The following HPSE variants were observed in gnomAD, a reference collection of about 807,000 sequenced individuals.
The protein encoded by HPSE is endo-glucoronidase.
Under a neutral mutation model 65.1 loss-of-function variants are expected in HPSE, and 48 were observed. That is an observed-to-expected ratio of 0.74 (90% CI 0.58 to 0.94). The LOEUF is 0.94. HPSE is among the 40% of genes least tolerant of loss of function. HPSE has a pLI of 0.00. For missense variants in HPSE, 644 were observed against 637.5 expected, an observed-to-expected ratio of 1.01 and a Z score of -0.11; for synonymous variants, 243 against 260.0, an observed-to-expected ratio of 0.93 and a Z score of 0.63.
intron 2 of HPSE, among the ~76,000 whole-genome samples, chr4:83,320,601 A>G (rs28534475): frequency 0.2 from 30,205 of 151,838 alleles, 3,282 homozygotes; most frequent in Non-Finnish European, 0.24. Flanking sequence ...AATCCACACC[A>G]TCCTGTCAGG....
rs990030711 is a variant in HPSE, at chr4:83,322,251, T to A, written c.341A>T (p.Glu114Val). ...GACTTGAGATTGCCAGTAACTTCTC[T>A]CTTCAAAGGTTGATTCCTTCTTGGG... ...FDPKKESTFE[E>V]RSYWQSQVNQ... Residue 114 changes from glutamate (E) to valine (V), a missense_variant, in exon 2 of 12, where the codon GAG becomes GTG. Transcript: ENST00000311412. 11 of 1,613,864 alleles carry A rather than the reference T, an allele frequency of 6.8e-6. No homozygotes were observed. Among genetic ancestry groups the A allele is most frequent in the Non-Finnish European group, 8.5e-6 (10 of 1,179,856 alleles).
At chr4:83,309,992 C>G (rs765902161) in intron 6 of HPSE, 39 bp downstream of exon 6, 33 of 1,445,028 alleles carry the variant, frequency 2.3e-5, no homozygotes, top group Non-Finnish European at 4.8e-6. Flanking sequence ...ATAAAGCTAG[C>G]CTTACTTTCC....
chr4:83,320,391 C>G (rs932007478), intron 2 of HPSE, among the ~76,000 whole-genome samples: 8 of 151,924 alleles, frequency 5.3e-5, no homozygotes, highest in Non-Finnish European at 1.2e-4. Context: ...ATAGTAAAAC[C>G]CTGCCTCTAC....
chr4:83,301,166 C>A (rs1206336206), intron 10 of HPSE, 60 bp from the exon 11 acceptor site: 1 of 1,111,016 alleles, frequency 9.0e-7, no homozygotes, highest in African/African-American at 1.6e-5. Context: ...ATTAAAAACT[C>A]AATTACAAAT....
intron 3 of HPSE, among the ~76,000 whole-genome samples, chr4:83,318,977 C>T (rs974153711): frequency 1.3e-5 from 2 of 152,020 alleles, no homozygotes; most frequent in Admixed American, 6.6e-5. Context: ...GGGAGGGGGA[C>T]GGACCTCAAG....
intron 1 of HPSE, 44 bp downstream of exon 1, chr4:83,334,512 C>T (rs776318668): frequency 6.5e-7 from 1 of 1,531,116 alleles, no homozygotes; most frequent in Non-Finnish European, 8.8e-7. Flanking sequence ...ACATAGGTGT[C>T]AGGAGGACAG....
At chr4:83,309,023 T>C (rs1736264638) in intron 7 of HPSE, 72 bp from the exon 8 acceptor site, 1 of 1,179,652 alleles carries the variant, frequency 8.5e-7, no homozygotes, top group African/African-American at 1.5e-5. Context: ...GTGTTGAAGA[T>C]TAACAGCATT....
chr4:83,309,125 ATAG>A (rs990126195), intron 7 of HPSE, among the ~76,000 whole-genome samples, 174 bp from the exon 8 acceptor site: 3 of 152,236 alleles, frequency 2.0e-5, no homozygotes, highest in African/African-American at 7.2e-5. Context: ...TTTTATTGAA[ATAG>A]TAGGCTGTGG....
chr4:83,319,483 A>G lies in HPSE; in HGVS notation c.374-14T>C. On this transcript the variant is annotated splice_polypyrimidine_tract_variant and intron_variant, in intron 2 of 11. Coordinates refer to ENST00000311412, the MANE Select transcript of HPSE (RefSeq NM_001098540.3). ...ATTTGCAAATATCTGCAAGTGGAAG[A>G]GATCATTTAGAAGGTCTGTTTTCAC... The G allele has an allele frequency of 1.2e-6, 2 of 1,612,280 alleles. No homozygotes were observed. The highest frequency in any genetic ancestry group is 1.7e-6 in the Non-Finnish European group (2 of 1,178,664).
chr4:83,299,058 A>T (rs1358879917), intron 11 of HPSE, among the ~76,000 whole-genome samples: 1 of 152,030 alleles, frequency 6.6e-6, no homozygotes, highest in Non-Finnish European at 1.5e-5. Context: ...TAAAACATGA[A>T]ATGTGTGATC....
chr4:83,332,759 C>T (rs144987687), intron 1 of HPSE, among the ~76,000 whole-genome samples: 1 of 152,338 alleles, frequency 6.6e-6, no homozygotes, highest in African/African-American at 2.4e-5. Flanking sequence ...GGAAGTCCCA[C>T]TGTATGTTTT....
chr4:83,320,851 G>A (rs1321581386), intron 2 of HPSE, among the ~76,000 whole-genome samples: 1 of 152,178 alleles, frequency 6.6e-6, no homozygotes, highest in Non-Finnish European at 1.5e-5. Flanking sequence ...ACAGTTTCCT[G>A]TCTACATTTA....
intron 1 of HPSE, among the ~76,000 whole-genome samples, chr4:83,324,923 C>T (rs150352503): frequency 1.1e-3 from 164 of 152,026 alleles, no homozygotes; most frequent in African/African-American, 3.7e-3. Context: ...TTATGTTTTG[C>T]GCATTTTGCC....
intron 2 of HPSE, 50 bp downstream of exon 2, chr4:83,322,169 G>A: frequency 6.6e-7 from 1 of 1,508,934 alleles, no homozygotes. Flanking sequence ...GCATTCTCAT[G>A]ACGGACTGAC....
In HPSE at chr4:83,306,314, C is replaced by T. The variant is rs201972085; in HGVS notation, c.1095G>A (p.Trp365Ter). The change falls in exon 9 of 12, where the codon TGG becomes TGA. Residue 365 changes from tryptophan (W) to a stop codon, truncating the protein, a stop_gained. Coordinates refer to ENST00000311412, the MANE Select transcript of HPSE (RefSeq NM_001098540.3). LOFTEE classifies it high-confidence loss of function. ...LSDTFAAGFM[W>*]LDKLGLSARM... is the part of the protein sequence containing the mutation. The stretch of plus-strand genomic sequence containing the variant: ...GGGCTGACAGGCCCAATTTATCCAG[C>T]CACCTGGGACAGAGCAAGACCAAGC... 1 of 1,587,934 alleles carries T rather than the reference C, an allele frequency of 6.3e-7. No individual in the cohort carries two copies. Among genetic ancestry groups the T allele is most frequent in the Non-Finnish European group, 8.6e-7 (1 of 1,156,086 alleles).
chr4:83,308,096 A>AT (rs70946997), intron 8 of HPSE, among the ~76,000 whole-genome samples: 17,853 of 145,050 alleles, frequency 0.12, 1,525 homozygotes, highest in African/African-American at 0.25. Context: ...TCTAACTTGC[A>AT]TTTTTTTTTT....
At position 83,295,205 on chromosome 4, in the gene HPSE, C is replaced by T. The variant is rs1281648972; in HGVS notation, c.*139G>A. The T allele has an allele frequency of 1.7e-6, 1 of 602,710 alleles. No homozygotes were observed. The highest frequency in any genetic ancestry group is 2.7e-5 in the East Asian group (1 of 37,034). The allele number at this position is 602,710 out of a possible 1,614,324, so 37.3% of individuals were successfully genotyped here. ...GCGAGATCAAAATACTGTGCTAAAT[C>T]TAGCACTGACAGTGTCCCAGTGTCT... On this transcript the variant is annotated 3_prime_UTR_variant, in exon 12 of 12. Transcript: ENST00000311412.
chr4:83,327,813 T>C (rs555498467), intron 1 of HPSE, among the ~76,000 whole-genome samples: 1 of 152,226 alleles, frequency 6.6e-6, no homozygotes, highest in African/African-American at 2.4e-5. Flanking sequence ...ACCACAGAAA[T>C]CAGCAAAAAC....
At chr4:83,310,134 T>TG in intron 5 of HPSE, 56 bp from the exon 6 acceptor site, 4 of 1,167,500 alleles carry the variant, frequency 3.4e-6, no homozygotes, top group Non-Finnish European at 5.1e-6. Flanking sequence ...ATGCACAATA[T>TG]ACGCATGAGA....
Sources: gnomAD v4.1 joint callset for allele counts (sites outside exome capture counted in the v4.1 genomes callset) on GRCh38, gnomAD v4.1.1 for gene constraint, MANE v1.5 for transcripts, NCBI Gene and HGNC (gene_info 2026-07-23, HGNC 2026-07-21) for gene names.